KCNH7: variants seen among roughly 807,000 people sequenced by gnomAD.
KCNH7 encodes the protein voltage-gated inwardly rectifying potassium channel KCNH7.
In KCNH7, 49 loss-of-function variants were observed where a neutral mutation model predicts 120.8. The ratio of observed to expected loss-of-function variants is 0.41; its 90% confidence interval spans 0.32 to 0.51. The LOEUF (loss-of-function observed/expected upper bound fraction) is 0.51, where lower values mean the gene tolerates loss of function less well. Among genes scored for constraint, KCNH7 ranks in the 20% least tolerant of loss-of-function variants. The pLI, the probability that KCNH7 is intolerant of heterozygous loss-of-function variation, is 0.38. For missense variants in KCNH7, 1,097 were observed against 1,446.6 expected, an observed-to-expected ratio of 0.76 and a Z score of 3.92; for synonymous variants, 547 against 516.1, an observed-to-expected ratio of 1.06 and a Z score of -0.81.
At chr2:162,698,148 T>G (rs1190570206) in intron 2 of KCNH7, among the ~76,000 whole-genome samples, 2 of 152,164 alleles carry the variant, frequency 1.3e-5, no homozygotes, top group Non-Finnish European at 2.9e-5. Context: ...TCTCCTGTTT[T>G]TAACTTCAAA....
At chr2:162,667,018 CTTTT>C (rs34213467) in intron 2 of KCNH7, among the ~76,000 whole-genome samples, 22 of 124,214 alleles carry the variant, frequency 1.8e-4, no homozygotes, top group African/African-American at 5.7e-4. Context: ...TTTTCTTTTT[CTTTT>C]TTTTTTTTTT....
At chr2:162,739,042 C>T (rs1212321406) in intron 2 of KCNH7, among the ~76,000 whole-genome samples, 1 of 152,182 alleles carries the variant, frequency 6.6e-6, no homozygotes, top group Admixed American at 6.5e-5. Flanking sequence ...GGGAGCTCAA[C>T]TTCTCCTGAG....
intron 2 of KCNH7, among the ~76,000 whole-genome samples, chr2:162,830,925 G>A (rs28399736): frequency 0.6 from 91,298 of 151,968 alleles, 28,411 homozygotes; most frequent in South Asian, 0.84. Flanking sequence ...TAAGTTACCC[G>A]CTCTAAGGTA....
chr2:162,791,191 A>AT (rs1683927471), intron 2 of KCNH7, among the ~76,000 whole-genome samples: 1 of 151,986 alleles, frequency 6.6e-6, no homozygotes, highest in Non-Finnish European at 1.5e-5. Flanking sequence ...CAGAAAAGAA[A>AT]TTAAGTCAGG....
rs34802031 is a variant in KCNH7 at position 162,697,884 on chromosome 2, G to GA, written c.307+138652dup. Among the ~76,000 whole-genome samples the GA allele has an allele frequency of 6.8e-3, 1,025 of 149,762 alleles. 9 individuals carry two copies. Among genetic ancestry groups the GA allele is most frequent in the Non-Finnish European group, 8.5e-3 (569 of 67,302 alleles). On this transcript the variant is annotated intron_variant, in intron 2 of 15. Transcript: ENST00000332142. ...CTTATTTCTGCCTTTCTATCTAAAA[G>GA]AAAAAAAAACTGCATGTTATTTGCC...
intron 9 of KCNH7, among the ~76,000 whole-genome samples, chr2:162,402,558 A>C (rs1393648197): frequency 6.6e-6 from 1 of 151,416 alleles, no homozygotes; most frequent in Non-Finnish European, 1.5e-5. Flanking sequence ...AGCCCCATGC[A>C]GATAAAGATG....
chr2:162,477,825 C>A (rs1047329920), intron 6 of KCNH7, among the ~76,000 whole-genome samples: 1 of 151,598 alleles, frequency 6.6e-6, no homozygotes, highest in Admixed American at 6.6e-5. Context: ...TCTATCCATC[C>A]ATCCATCCAT....
At chr2:162,449,565 A>G (rs1239427250) in intron 6 of KCNH7, among the ~76,000 whole-genome samples, 1 of 152,026 alleles carries the variant, frequency 6.6e-6, no homozygotes, top group Non-Finnish European at 1.5e-5. Flanking sequence ...GTATCCCTAT[A>G]AGAAGAGAGA....
chr2:162,767,273 A>T (rs908329824), intron 2 of KCNH7, among the ~76,000 whole-genome samples: 23 of 152,172 alleles, frequency 1.5e-4, no homozygotes, highest in Non-Finnish European at 2.6e-4. Flanking sequence ...TGGCACATTT[A>T]AAAAAATAAA....
chr2:162,468,248 C>T (rs1419501506), intron 6 of KCNH7, among the ~76,000 whole-genome samples: 2 of 152,036 alleles, frequency 1.3e-5, no homozygotes, highest in African/African-American at 4.8e-5. Context: ...AATTTCCAAT[C>T]AGAGAAGAAA....
chr2:162,531,223 T>G (rs1336328381), intron 3 of KCNH7, among the ~76,000 whole-genome samples: 1 of 151,964 alleles, frequency 6.6e-6, no homozygotes, highest in Non-Finnish European at 1.5e-5. Context: ...ATAAATTGTG[T>G]ATTATATCCT....
chr2:162,470,040 G>A (rs1044179281), intron 6 of KCNH7, among the ~76,000 whole-genome samples: 36 of 152,210 alleles, frequency 2.4e-4, no homozygotes, highest in African/African-American at 4.6e-4. Flanking sequence ...GTGCAGTGGC[G>A]TGATCTCGGC....
At chr2:162,659,410 T>G (rs1178854952) in intron 2 of KCNH7, among the ~76,000 whole-genome samples, 2 of 151,960 alleles carry the variant, frequency 1.3e-5, no homozygotes, top group Non-Finnish European at 2.9e-5. Context: ...AGCACAATCT[T>G]GGCTCACTGC....
intron 8 of KCNH7, among the ~76,000 whole-genome samples, chr2:162,430,684 T>C (rs925133109): frequency 1.3e-5 from 2 of 152,024 alleles, no homozygotes; most frequent in East Asian, 3.9e-4. Flanking sequence ...TCTGTATGTT[T>C]TTAATAGAAG....
At chr2:162,469,879 A>C (rs12623882) in intron 6 of KCNH7, among the ~76,000 whole-genome samples, 19 of 151,966 alleles carry the variant, frequency 1.3e-4, no homozygotes, top group Non-Finnish European at 2.8e-4. Flanking sequence ...ACTGGTTTTC[A>C]TATTTTTTTG....
intron 6 of KCNH7, among the ~76,000 whole-genome samples, chr2:162,476,921 CA>C (rs1689765440): frequency 1.3e-5 from 2 of 152,080 alleles, no homozygotes; most frequent in Non-Finnish European, 2.9e-5. Flanking sequence ...TATATAATAA[CA>C]ATTAAAAATG....
Position 162,748,916 on chromosome 2 carries a change from CTT to C in KCNH7, c.307+87619_307+87620del, listed in dbSNP as rs1559113926. 4.3e-3 allele frequency among the ~76,000 whole-genome samples: 248 copies of C among 57,182 alleles called. 22 individuals are homozygous for C. In the African/African-American group the frequency reaches 0.052, roughly 12 times the overall value. The allele number at this position is 57,182 out of a possible 152,430, so 37.5% of individuals were successfully genotyped here. ...CTTCTTTCCTTCCTTCCTTCCTTCC[CTT>C]CCCTTTCCTTTCCTTCCTTCCTTCC... is the stretch of plus-strand genomic sequence containing the variant. On this transcript the variant is annotated intron_variant, in intron 2 of 15. Coordinates refer to ENST00000332142, the MANE Select transcript of KCNH7 (RefSeq NM_033272.4).
At chr2:162,552,156 A>G (rs531389126) in intron 2 of KCNH7, among the ~76,000 whole-genome samples, 27 of 152,270 alleles carry the variant, frequency 1.8e-4, no homozygotes, top group Admixed American at 7.8e-4. Flanking sequence ...CATTGTCCCA[A>G]TTTTACAGTG....
At chr2:162,536,858 A>G in intron 3 of KCNH7, 67 bp downstream of exon 3, 1 of 1,281,154 alleles carries the variant, frequency 7.8e-7, no homozygotes, top group South Asian at 1.5e-5. Context: ...TGAAATGAAG[A>G]CTGTATTAAA....
Sources: allele counts gnomAD v4.1 joint callset (sites outside exome capture counted in the v4.1 genomes callset), GRCh38; gene constraint gnomAD v4.1.1; transcripts MANE v1.5; gene names NCBI Gene and HGNC (gene_info 2026-07-23, HGNC 2026-07-21).